Variants in NEGR1 observed in about 807,000 individuals in gnomAD.
The protein encoded by NEGR1 is neuronal growth regulator 1, also known as IgLON family member 4.
Under a neutral mutation model 40.9 loss-of-function variants are expected in NEGR1, and 10 were observed. That is an observed-to-expected ratio of 0.24 (90% CI 0.15 to 0.42). The LOEUF is 0.42. Ranked by LOEUF, NEGR1 falls within the 10% of genes least tolerant of loss-of-function variation. The probability of loss-of-function intolerance (pLI) is 1.00; values close to 1 mark genes in which losing one functional copy is unlikely to be tolerated. For missense variants in NEGR1, 352 were observed against 438.9 expected, an observed-to-expected ratio of 0.80 and a Z score of 1.77; for synonymous variants, 185 against 166.8, an observed-to-expected ratio of 1.11 and a Z score of -0.84.
At chr1:71,591,923 T>C (rs1649514145) in intron 6 of NEGR1, among the ~76,000 whole-genome samples, 1 of 152,080 alleles carries the variant, frequency 6.6e-6, no homozygotes, top group Admixed American at 6.6e-5. Context: ...TTTGCATTTT[T>C]CAGAGATAGC....
intron 1 of NEGR1, among the ~76,000 whole-genome samples, chr1:72,036,240 C>T (rs1431773477): frequency 6.6e-6 from 1 of 152,078 alleles, no homozygotes; most frequent in Non-Finnish European, 1.5e-5. Context: ...TTTCATATAG[C>T]TTATTTATTT....
At chr1:72,014,758 A>G (rs1367337730) in intron 1 of NEGR1, among the ~76,000 whole-genome samples, 1 of 152,066 alleles carries the variant, frequency 6.6e-6, no homozygotes, top group Non-Finnish European at 1.5e-5. Flanking sequence ...GAGTTTTTAA[A>G]GGTGGTTCTT....
intron 1 of NEGR1, among the ~76,000 whole-genome samples, chr1:72,227,663 A>G (rs567132057): frequency 6.6e-6 from 1 of 152,248 alleles, no homozygotes; most frequent in African/African-American, 2.4e-5. Flanking sequence ...TTTGTAAAGC[A>G]GGGTTTTTCC....
chr1:71,854,537 G>A (rs1357870634), intron 2 of NEGR1, among the ~76,000 whole-genome samples: 1 of 152,044 alleles, frequency 6.6e-6, no homozygotes, highest in Non-Finnish European at 1.5e-5. Context: ...AATTATAATC[G>A]TATTAGTCCA....
chr1:71,879,636 A>G (rs763818565), intron 2 of NEGR1, among the ~76,000 whole-genome samples: 8 of 152,160 alleles, frequency 5.3e-5, no homozygotes, highest in Non-Finnish European at 1.2e-4. Context: ...GTTCACCCAT[A>G]CATTACAGAT....
intron 1 of NEGR1, among the ~76,000 whole-genome samples, chr1:72,025,164 C>T (rs1284131664): frequency 1.3e-5 from 2 of 152,086 alleles, no homozygotes; most frequent in South Asian, 2.1e-4. Context: ...TAAGTTTTTA[C>T]GTCTTATATA....
chr1:71,779,634 C>T (rs2101722144), intron 2 of NEGR1, among the ~76,000 whole-genome samples: 1 of 151,950 alleles, frequency 6.6e-6, no homozygotes, highest in South Asian at 2.1e-4. Context: ...ATGGCTCAAT[C>T]TCCGCTCACT....
chr1:72,051,012 A>G (rs1376043533), intron 1 of NEGR1, among the ~76,000 whole-genome samples: 1 of 151,460 alleles, frequency 6.6e-6, no homozygotes, highest in East Asian at 1.9e-4. Context: ...TATTCCCCCA[A>G]TAAGCTAAAC....
chr1:71,834,761 T>A (rs1204089509), intron 2 of NEGR1, among the ~76,000 whole-genome samples: 1 of 152,124 alleles, frequency 6.6e-6, no homozygotes, highest in African/African-American at 2.4e-5. Flanking sequence ...AGACCTGGAC[T>A]TAAAGTTATA....
At chr1:71,722,074 G>T (rs563762183) in intron 3 of NEGR1, among the ~76,000 whole-genome samples, 2 of 152,156 alleles carry the variant, frequency 1.3e-5, no homozygotes, top group Admixed American at 6.6e-5. Context: ...GACATTAGGG[G>T]ACTTTTCAAC....
In NEGR1 at chr1:71,563,156, C is replaced by T. The variant is rs188642674; in HGVS notation, c.940+29661G>A. Among the ~76,000 whole-genome samples the T allele has an allele frequency of 3.3e-5, 5 of 152,074 alleles. No homozygotes were observed. The East Asian group carries it at 7.8e-4, about 24-fold the overall frequency. ...TTGCTTATAAAAGAGTGCTTGTTCT[C>T]CATGAAACATATTGGAATAGAGAGA... On this transcript the variant is annotated intron_variant, in intron 6 of 6. Transcript: ENST00000357731.
intron 2 of NEGR1, among the ~76,000 whole-genome samples, chr1:71,926,928 C>A (rs1645779792): frequency 6.6e-6 from 1 of 152,236 alleles, no homozygotes; most frequent in East Asian, 1.9e-4. Flanking sequence ...CTGAAATCTA[C>A]TTTCTCTTTC....
intron 2 of NEGR1, among the ~76,000 whole-genome samples, chr1:71,927,224 G>A (rs1411459399): frequency 3.3e-5 from 5 of 152,144 alleles, no homozygotes; most frequent in Admixed American, 6.5e-5. Flanking sequence ...GGGATTGTGT[G>A]AAAAGAAAGC....
chr1:71,999,138 T>G (rs905278261), intron 1 of NEGR1, among the ~76,000 whole-genome samples: 1 of 151,984 alleles, frequency 6.6e-6, no homozygotes, highest in Non-Finnish European at 1.5e-5. Context: ...TGAAATGTAC[T>G]TTCTGAGTCT....
At chr1:71,526,915 G>T (rs1241966851) in intron 6 of NEGR1, among the ~76,000 whole-genome samples, 2 of 151,600 alleles carry the variant, frequency 1.3e-5, no homozygotes, top group East Asian at 3.9e-4. Flanking sequence ...TTACACTCCA[G>T]AAATTATTTG....
At chr1:71,865,088 G>C (rs926208164) in intron 2 of NEGR1, among the ~76,000 whole-genome samples, 1 of 152,130 alleles carries the variant, frequency 6.6e-6, no homozygotes, top group Admixed American at 6.6e-5. Flanking sequence ...ATAAAATACA[G>C]AAATCAGTAG....
intron 4 of NEGR1, among the ~76,000 whole-genome samples, chr1:71,617,385 C>T (rs1460773722): frequency 6.6e-6 from 1 of 152,216 alleles, no homozygotes; most frequent in Admixed American, 6.5e-5. Flanking sequence ...GATGAATCTA[C>T]TGATGTTGAC....
intron 1 of NEGR1, among the ~76,000 whole-genome samples, chr1:72,142,612 C>A (rs551321258): frequency 1.3e-5 from 2 of 151,408 alleles, no homozygotes; most frequent in South Asian, 2.1e-4. Flanking sequence ...ATAAACATAC[C>A]CTCATATATC....
At chr1:72,156,674 T>C (rs986197481) in intron 1 of NEGR1, among the ~76,000 whole-genome samples, 1 of 152,180 alleles carries the variant, frequency 6.6e-6, no homozygotes, top group Admixed American at 6.6e-5. Context: ...TCTGTGATGG[T>C]CCTGCTTTCA....
Sources: allele counts gnomAD v4.1 joint callset (sites outside exome capture counted in the v4.1 genomes callset), GRCh38; gene constraint gnomAD v4.1.1; transcripts MANE v1.5; gene names NCBI Gene and HGNC (gene_info 2026-07-23, HGNC 2026-07-21).